KLHDC4: variants seen among roughly 807,000 people sequenced by gnomAD.
The protein encoded by KLHDC4 is kelch domain-containing protein 4.
A neutral mutation model predicts 62.4 loss-of-function variants in KLHDC4; 90 were observed. That is an observed-to-expected ratio of 1.44 (90% CI 1.22 to 1.72). The LOEUF (loss-of-function observed/expected upper bound fraction) is 1.72. Ranked by LOEUF, KLHDC4 falls within the 40% of genes most tolerant of loss-of-function variation. KLHDC4 has a pLI of 0.00. For synonymous variants in KLHDC4, 386 were observed against 284.4 expected, an observed-to-expected ratio of 1.36 and a Z score of -3.59; for missense variants, 1,025 against 699.7, an observed-to-expected ratio of 1.47 and a Z score of -5.25.
intron 4 of KLHDC4, among the ~76,000 whole-genome samples, chr16:87,753,161 T>A (rs778011085): frequency 6.6e-6 from 1 of 152,062 alleles, no homozygotes; most frequent in Non-Finnish European, 1.5e-5. Flanking sequence ...GAGAGGAAGC[T>A]ATGGGAGAAA....
chr16:87,760,485 T>C (rs531483572), intron 2 of KLHDC4, among the ~76,000 whole-genome samples: 2 of 150,994 alleles, frequency 1.3e-5, no homozygotes, highest in South Asian at 4.2e-4. Flanking sequence ...CGGGTGCCTG[T>C]AGTCCCAGCT....
intron 5 of KLHDC4, among the ~76,000 whole-genome samples, chr16:87,748,231 T>C (rs559016571): frequency 1.3e-5 from 2 of 152,228 alleles, no homozygotes; most frequent in South Asian, 4.1e-4. Flanking sequence ...TGAAGAGAAA[T>C]GTCAACATCC....
Position 87,757,391 on chromosome 16 carries a change from C to G in KLHDC4, c.192-914G>C, listed in dbSNP as rs571840888. 2.7e-5 allele frequency: 4 copies of G among 149,920 alleles called. No individual in the cohort carries two copies. The East Asian group carries it at 8.1e-4, about 30-fold the overall frequency. The allele number at this position is 149,920 out of a possible 1,614,324, so 9.3% of individuals were successfully genotyped here. A position where few individuals can be genotyped will look rare whatever the true frequency, so the allele number is the denominator to read the frequency against. ...GCTGAGGCAGGAGAACCACTTGAAC[C>G]TGGGAGTTGGGGGTTGCAGTGAGCT... On this transcript the variant is annotated intron_variant, in intron 2 of 11. Coordinates refer to ENST00000270583, the MANE Select transcript of KLHDC4 (RefSeq NM_017566.4).
At chr16:87,727,129 G>C (rs117535673) in intron 6 of KLHDC4, among the ~76,000 whole-genome samples, 12 of 152,244 alleles carry the variant, frequency 7.9e-5, no homozygotes, top group African/African-American at 1.9e-4. Context: ...ACGCCAGTCA[G>C]GTCTCCTCAA....
At position 87,726,813 on chromosome 16, in the gene KLHDC4, G is replaced by C; in HGVS notation, c.711C>G (p.Ser237=). 6.2e-7 allele frequency: 1 copy of C among 1,610,528 alleles called. No homozygotes were observed. The highest frequency in any genetic ancestry group is 8.5e-7 in the Non-Finnish European group (1 of 1,178,772). The change falls in exon 7 of 12, where the codon TCC becomes TCG. Residue 237 remains serine (S), a synonymous_variant. Transcript: ENST00000270583. The stretch of plus-strand genomic sequence containing the variant: ...CGACGATGCCGCCCTGGGGAGTGAC[G>C]GACATCTGGCAGCCTGATCTGGGTG... The part of the protein sequence containing the change: ...GPTPRSGCQM[S]VTPQGGIVVY...
chr16:87,700,530 A>AGGGAGGAGGGAGGAAAGAGGGTGGG (rs2034087487), exon 1 of KLHDC4: 1 of 144,782 alleles, frequency 6.9e-6, no homozygotes, highest in Non-Finnish European at 1.4e-5. Context: ...AAGAGGGTGG[A>AGGGAGGAGGGAGGAAAGAGGGTGGG]GGGAGGAGGG....
At chr16:87,721,111 G>C (rs551605170) in intron 7 of KLHDC4, among the ~76,000 whole-genome samples, 1 of 152,294 alleles carries the variant, frequency 6.6e-6, no homozygotes, top group East Asian at 1.9e-4. Flanking sequence ...AACATTTTCA[G>C]CTTCGCCATT....
intron 5 of KLHDC4, among the ~76,000 whole-genome samples, chr16:87,743,821 T>C (rs1362010805): frequency 3.3e-5 from 5 of 152,176 alleles, no homozygotes; most frequent in Non-Finnish European, 7.3e-5. Flanking sequence ...TTTGACACTC[T>C]TACCACCATA....
At chr16:87,739,292 T>C (rs1317163799) in intron 5 of KLHDC4, among the ~76,000 whole-genome samples, 1 of 118,006 alleles carries the variant, frequency 8.5e-6, no homozygotes, top group African/African-American at 3.3e-5. Flanking sequence ...CAGCACCTCA[T>C]CCATCCACAC....
intron 5 of KLHDC4, among the ~76,000 whole-genome samples, chr16:87,734,247 G>A (rs373149296): frequency 1.9e-4 from 29 of 151,768 alleles, no homozygotes; most frequent in African/African-American, 7.0e-4. Flanking sequence ...AGGAGGCTGA[G>A]GCAGGAGAAT....
intron 5 of KLHDC4, among the ~76,000 whole-genome samples, chr16:87,734,364 C>T (rs1027414404): frequency 2.0e-5 from 3 of 152,062 alleles, no homozygotes; most frequent in African/African-American, 7.2e-5. Flanking sequence ...AAACACAAGA[C>T]ATCAAGACAT....
At chr16:87,765,547 A>T (rs1265791639) in intron 1 of KLHDC4, among the ~76,000 whole-genome samples, 4 of 152,036 alleles carry the variant, frequency 2.6e-5, no homozygotes, top group Non-Finnish European at 5.9e-5. Context: ...CACCACACTA[A>T]GAAAAGCAAG....
intron 5 of KLHDC4, chr16:87,741,057 C>T (rs964340709): frequency 6.6e-6 from 1 of 152,182 alleles, no homozygotes; most frequent in Non-Finnish European, 1.5e-5. Flanking sequence ...TTACCCCCCT[C>T]ATTTCCAAAC....
intron 4 of KLHDC4, 34 bp from the exon 5 acceptor site, chr16:87,748,843 C>T: frequency 6.2e-7 from 1 of 1,609,774 alleles, no homozygotes; most frequent in South Asian, 1.1e-5. Flanking sequence ...CAGGGCACAG[C>T]CACACAGCAG....
intron 2 of KLHDC4, 47 bp downstream of exon 2, chr16:87,761,902 T>C (rs2045949088): frequency 6.3e-7 from 1 of 1,577,266 alleles, no homozygotes; most frequent in Non-Finnish European, 8.7e-7. Flanking sequence ...TTTTTCAATG[T>C]ATAGAAGAAA....
intron 5 of KLHDC4, among the ~76,000 whole-genome samples, chr16:87,734,493 C>T (rs928137320): frequency 8.5e-5 from 13 of 152,166 alleles, no homozygotes; most frequent in African/African-American, 2.9e-4. Context: ...CAAGCTGGAG[C>T]GAATTCGGTT....
At chr16:87,708,885 G>A (rs551249812) in intron 10 of KLHDC4, among the ~76,000 whole-genome samples, 2 of 152,378 alleles carry the variant, frequency 1.3e-5, no homozygotes, top group South Asian at 2.1e-4. Context: ...TAAAGGGGAC[G>A]TGTGACTACG....
chr16:87,738,216 T>G (rs2041670871), intron 5 of KLHDC4, among the ~76,000 whole-genome samples: 1 of 152,156 alleles, frequency 6.6e-6, no homozygotes, highest in Admixed American at 6.5e-5. Context: ...TACAGAATCG[T>G]AAAGTAACGG....
intron 5 of KLHDC4, among the ~76,000 whole-genome samples, chr16:87,732,755 A>C (rs2040607734): frequency 6.6e-6 from 1 of 152,128 alleles, no homozygotes; most frequent in African/African-American, 2.4e-5. Context: ...AGCAAATCCT[A>C]TCCCAGCTTC....
Sources: gnomAD v4.1 joint callset for allele counts (sites outside exome capture counted in the v4.1 genomes callset) on GRCh38, gnomAD v4.1.1 for gene constraint, MANE v1.5 for transcripts, NCBI Gene and HGNC (gene_info 2026-07-23, HGNC 2026-07-21) for gene names.